The following DAB1 variants were observed in gnomAD, a reference collection of about 807,000 sequenced individuals.
The protein encoded by DAB1 is disabled homolog 1.
Under a neutral mutation model 64.6 loss-of-function variants are expected in DAB1, and 15 were observed. That is an observed-to-expected ratio of 0.23 (90% CI 0.16 to 0.36). The LOEUF (loss-of-function observed/expected upper bound fraction) is 0.36, where lower values mean the gene tolerates loss of function less well. DAB1 is among the 10% of genes least tolerant of loss of function. The probability of loss-of-function intolerance (pLI) is 1.00; values close to 1 mark genes in which losing one functional copy is unlikely to be tolerated. For missense variants in DAB1, 596 were observed against 706.7 expected (o/e 0.84, Z 1.78); for synonymous variants, 235 against 251.9 (o/e 0.93, Z 0.64).
At chr1:57,858,849 A>G (rs1011771985) in intron 1 of DAB1, among the ~76,000 whole-genome samples, 2 of 151,252 alleles carry the variant, frequency 1.3e-5, no homozygotes, top group African/African-American at 4.9e-5. Flanking sequence ...AGTTCAGTCC[A>G]CTAACCTGAG....
At chr1:57,876,469 GTGA>G (rs1260294297) in intron 1 of DAB1, 2 of 152,222 alleles carry the variant, frequency 1.3e-5, no homozygotes, top group African/African-American at 2.4e-5. Context: ...GGTGATTGTT[GTGA>G]TGATCTGTTG....
At chr1:57,527,887 T>C (rs1394120273) in intron 7 of DAB1, among the ~76,000 whole-genome samples, 1 of 152,170 alleles carries the variant, frequency 6.6e-6, no homozygotes, top group East Asian at 1.9e-4. Context: ...GTGCCATTTC[T>C]ATCAAGTAGT....
rs1306922342 is a variant in DAB1 at position 58,180,293 on chromosome 1, T to C, written n.310-29705A>G. On this transcript the variant is annotated intron_variant and non_coding_transcript_variant, in intron 4 of 20. Transcript: ENST00000485760. The stretch of plus-strand genomic sequence containing the variant: ...TTTTTTTTCTTTTCTTTTTTTTTTT[T>C]TTTTTTTTTTTTTTTTTGAGATAGG... 1.0e-3 allele frequency among the ~76,000 whole-genome samples: 119 copies of C among 117,450 alleles called. 4 individuals are homozygous for C. The highest frequency in any genetic ancestry group is 3.6e-4 in the Non-Finnish European group (21 of 58,036). 77.1% of individuals were successfully genotyped at this position (117,450 alleles called of 152,430 possible). A position where few individuals can be genotyped will look rare whatever the true frequency, so the allele number is the denominator to read the frequency against.
intron 4 of DAB1, among the ~76,000 whole-genome samples, chr1:57,080,359 C>A (rs1052044187): frequency 7.9e-5 from 12 of 152,182 alleles, no homozygotes; most frequent in African/African-American, 2.7e-4. Flanking sequence ...ACTCCCTATC[C>A]GTTTTCCTCT....
rs556701628 is a variant in DAB1, at chr1:58,356,042, G to A, written n.258-12639C>T. ...TCCCAAGCGAACAACTTCTGCTCTG[G>A]CCTTTCTCCTCTAATCCCTAGACAT... On this transcript the variant is annotated intron_variant and non_coding_transcript_variant, in intron 3 of 20. Coordinates refer to the DAB1 transcript ENST00000485760. 9.1e-4 allele frequency among the ~76,000 whole-genome samples: 138 copies of A among 152,314 alleles called. 3 individuals carry two copies. The South Asian group carries it at 0.028, about 31-fold the overall frequency.
At chr1:58,118,501 T>TATAC (rs1553161121) in intron 5 of DAB1, among the ~76,000 whole-genome samples, 2 of 63,310 alleles carry the variant, frequency 3.2e-5, no homozygotes, top group Non-Finnish European at 5.4e-5. Flanking sequence ...TATATATATA[T>TATAC]ATACACACAC....
chr1:57,530,167 T>C (rs1644644819), intron 7 of DAB1, among the ~76,000 whole-genome samples: 1 of 152,208 alleles, frequency 6.6e-6, no homozygotes, highest in Non-Finnish European at 1.5e-5. Flanking sequence ...GCACACTATA[T>C]TGGGTCCTAT....
chr1:58,499,763 T>A (rs973599873), intron 3 of DAB1, among the ~76,000 whole-genome samples: 2 of 150,894 alleles, frequency 1.3e-5, no homozygotes, highest in Non-Finnish European at 3.0e-5. Flanking sequence ...TCCATAAATA[T>A]ATAAAAAATT....
chr1:58,427,699 T>G (rs1325629635), intron 3 of DAB1, among the ~76,000 whole-genome samples: 1 of 152,160 alleles, frequency 6.6e-6, no homozygotes. Flanking sequence ...AGGTCTTCGG[T>G]GCCAGGAATT....
chr1:57,932,294 GAA>G (rs1644964504), intron 5 of DAB1, among the ~76,000 whole-genome samples: 1 of 152,160 alleles, frequency 6.6e-6, no homozygotes, highest in Admixed American at 6.5e-5. Context: ...AACTTGACAA[GAA>G]TATATATTCT....
intron 4 of DAB1, among the ~76,000 whole-genome samples, chr1:58,154,567 A>G (rs1181427842): frequency 2.0e-5 from 3 of 152,066 alleles, no homozygotes; most frequent in Non-Finnish European, 4.4e-5. Context: ...AAAAACAGAG[A>G]TATATATATA....
chr1:58,361,863 C>CTTTTTTTTTT (rs34029239), intron 3 of DAB1, among the ~76,000 whole-genome samples: 4 of 84,020 alleles, frequency 4.8e-5, no homozygotes, highest in Admixed American at 1.9e-4. Flanking sequence ...AAAGATCCCC[C>CTTTTTTTTTT]TTTTTTTTTT....
intron 4 of DAB1, among the ~76,000 whole-genome samples, chr1:57,100,680 A>G (rs1440370521): frequency 6.7e-6 from 1 of 149,982 alleles, no homozygotes; most frequent in Non-Finnish European, 1.5e-5. Context: ...GCCTAGTGGC[A>G]GAGGCAGGAG....
chr1:57,849,625 T>C (rs1002502697), intron 1 of DAB1, among the ~76,000 whole-genome samples: 1 of 152,160 alleles, frequency 6.6e-6, no homozygotes, highest in Non-Finnish European at 1.5e-5. Flanking sequence ...CTTGAGGCAT[T>C]AAGGAGCAGG....
At chr1:58,478,500 AT>A (rs1258830445) in intron 3 of DAB1, among the ~76,000 whole-genome samples, 1 of 151,760 alleles carries the variant, frequency 6.6e-6, no homozygotes, top group East Asian at 1.9e-4. Flanking sequence ...ACCTAGGAGG[AT>A]TTTTTTTGTC....
intron 4 of DAB1, among the ~76,000 whole-genome samples, chr1:58,305,060 A>G (rs1005315255): frequency 1.3e-5 from 2 of 152,058 alleles, no homozygotes; most frequent in African/African-American, 4.8e-5. Context: ...GTGCAATCAT[A>G]GCACACTACA....
At chr1:57,924,241 T>C (rs1644848243) in intron 5 of DAB1, among the ~76,000 whole-genome samples, 1 of 152,198 alleles carries the variant, frequency 6.6e-6, no homozygotes. Context: ...GAGCTGACTA[T>C]CGGATGGAAG....
chr1:57,932,946 G>A (rs886239704), intron 5 of DAB1, among the ~76,000 whole-genome samples: 1 of 152,166 alleles, frequency 6.6e-6, no homozygotes, highest in Non-Finnish European at 1.5e-5. Context: ...CTGGTTAAAC[G>A]GTTTCTTATG....
rs1049058578 is a variant in DAB1 at position 58,218,989 on chromosome 1, TTC to T, written n.310-68403_310-68402del. ...GAGTAATCCCCCATAATTCTGGCCA[TTC>T]TCTCTCTCTCTCTCTCTCTCTCTCT... On this transcript the variant is annotated intron_variant and non_coding_transcript_variant, in intron 4 of 20. Coordinates refer to the DAB1 transcript ENST00000485760. 3.4e-3 allele frequency among the ~76,000 whole-genome samples: 430 copies of T among 125,836 alleles called. 3 individuals carry two copies. Among genetic ancestry groups the T allele is most frequent in the East Asian group, 6.7e-3 (27 of 4,000 alleles). The allele number at this position is 125,836 out of a possible 152,430, so 82.6% of individuals were successfully genotyped here.
Sources: allele counts gnomAD v4.1 joint callset (sites outside exome capture counted in the v4.1 genomes callset), GRCh38; gene constraint gnomAD v4.1.1; transcripts MANE v1.5; gene names NCBI Gene and HGNC (gene_info 2026-07-23, HGNC 2026-07-21).